Variants in CCAR1 observed in about 807,000 individuals in gnomAD.
CCAR1 encodes the protein cell division cycle and apoptosis regulator protein 1.
A neutral mutation model predicts 163.8 loss-of-function variants in CCAR1; 78 were observed. The ratio of observed to expected loss-of-function variants is 0.48; its 90% CI spans 0.40 to 0.57. The LOEUF (loss-of-function observed/expected upper bound fraction) is 0.57, where lower values mean the gene tolerates loss of function less well. Ranked by LOEUF, CCAR1 falls within the 20% of genes least tolerant of loss-of-function variation. The pLI is 0.00. For synonymous variants in CCAR1, 443 were observed against 460.7 expected, an observed-to-expected ratio of 0.96 and a Z score of 0.49; for missense variants, 1,019 against 1,365.2, an observed-to-expected ratio of 0.75 and a Z score of 4.00.
Position 68,727,997 on chromosome 10 carries a change from C to T in CCAR1, c.73+5420C>T, listed in dbSNP as rs189980443. On this transcript the variant is annotated intron_variant, in intron 2 of 24. Transcript: ENST00000265872. ...GGGGCTATAGGCTTGCTACCATACCCGGCTAATTTTTGTATATTTAGTAGA... is the reference window on the plus strand; with the variant it reads ...GGGGCTATAGGCTTGCTACCATACCTGGCTAATTTTTGTATATTTAGTAGA... Among the ~76,000 whole-genome samples, 559 of 152,158 alleles carry T rather than the reference C, an allele frequency of 3.7e-3. 7 individuals carry two copies. Among genetic ancestry groups the T allele is most frequent in the South Asian group, 0.034 (163 of 4,818 alleles).
intron 11 of CCAR1, 46 bp downstream of exon 11, chr10:68,754,123 T>C (rs756855843): frequency 6.8e-6 from 9 of 1,322,432 alleles, no homozygotes; most frequent in South Asian, 2.5e-5. Flanking sequence ...TTAGCAGTTA[T>C]TCATAATAAA....
intron 21 of CCAR1, 135 bp downstream of exon 21, chr10:68,786,827 A>G (rs2056800569): frequency 1.3e-5 from 9 of 681,692 alleles, no homozygotes; most frequent in Middle Eastern, 4.2e-4. Context: ...GCTCACACCT[A>G]TAATCCCAGC....
chr10:68,789,389 C>G (rs1215997357), intron 23 of CCAR1, among the ~76,000 whole-genome samples: 1 of 151,656 alleles, frequency 6.6e-6, no homozygotes, highest in Non-Finnish European at 1.5e-5. Flanking sequence ...GTCAGGAGTT[C>G]GAGACCAGCC....
Position 68,768,326 on chromosome 10 carries a change from C to G in CCAR1, c.2298+2247C>G, listed in dbSNP as rs1207208675. Among the ~76,000 whole-genome samples the G allele has an allele frequency of 3.3e-5, 5 of 151,546 alleles. No homozygotes were observed. The East Asian group carries it at 9.7e-4, about 29-fold the overall frequency. ...TATCTTTTTTTTTTTAAGCAGTTGC[C>G]TGGCTGGGTGCAGTGGCTCATGCCT... On this transcript the variant is annotated intron_variant, in intron 17 of 24. Coordinates refer to ENST00000265872, the MANE Select transcript of CCAR1 (RefSeq NM_018237.4).
chr10:68,744,820 T>C (rs781656791), intron 6 of CCAR1, among the ~76,000 whole-genome samples: 13 of 151,624 alleles, frequency 8.6e-5, no homozygotes, highest in Non-Finnish European at 1.8e-4. Flanking sequence ...CTAGGAGGTA[T>C]ATCTACTTAA....
At chr10:68,774,930 C>CT (rs1215700238) in intron 19 of CCAR1, 6 of 372,188 alleles carry the variant, frequency 1.6e-5, no homozygotes, top group Middle Eastern at 6.9e-4. Flanking sequence ...TATAAGAGTT[C>CT]TTTTTGTTTT....
In CCAR1 at chr10:68,761,200, C is replaced by CCTG; in HGVS notation, c.2106+8_2106+9insCTG. 6.4e-7 allele frequency: 1 copy of CCTG among 1,555,116 alleles called. No individual in the cohort carries two copies. The highest frequency in any genetic ancestry group is 1.2e-5 in the South Asian group (1 of 83,764). On this transcript the variant is annotated intron_variant, in intron 16 of 24. Transcript: ENST00000265872. ...TCTGAAGACGATAAAGAGGTATGTA[C>CCTG]TCAATCTATTATTATACTCTATGGT... is the stretch of plus-strand genomic sequence containing the variant.
chr10:68,752,759 T>C lies in CCAR1; in HGVS notation c.1119-1093T>C, dbSNP rs555949295. On this transcript the variant is annotated intron_variant, in intron 10 of 24. Coordinates refer to ENST00000265872, the MANE Select transcript of CCAR1 (RefSeq NM_018237.4). ...AGTGCACCCGTAGTCCTAGCTATAA[T>C]ACTTAGAAGCTGACATGGAAGGATT... Among the ~76,000 whole-genome samples, 6 of 152,230 alleles carry C rather than the reference T, an allele frequency of 3.9e-5. No individual in the cohort carries two copies. The South Asian group carries it at 8.3e-4, about 21-fold the overall frequency.
chr10:68,776,309 A>G (rs2056666848), intron 19 of CCAR1, among the ~76,000 whole-genome samples: 1 of 150,864 alleles, frequency 6.6e-6, no homozygotes, highest in Non-Finnish European at 1.5e-5. Context: ...CACATCTGTA[A>G]TCCCAGCACT....
intron 23 of CCAR1, among the ~76,000 whole-genome samples, chr10:68,789,408 A>T (rs2056829655): frequency 6.7e-6 from 1 of 150,356 alleles, no homozygotes; most frequent in African/African-American, 2.4e-5. Context: ...CCTGACCAAC[A>T]TGGTGAAACC....
rs535803630 is a variant in CCAR1 at position 68,788,104 on chromosome 10, AAAAT to A, written c.3002-36_3002-33del. On this transcript the variant is annotated intron_variant, in intron 22 of 24. Transcript: ENST00000265872. Reference sequence around the variant, plus strand: ...TAAATATACTAGTAATTAAAGAAGAAAAATAACTTACTAAAATATGGTATATTTT... The same window carrying A: ...TAAATATACTAGTAATTAAAGAAGAAAACTTACTAAAATATGGTATATTTT... 54 of 1,524,262 alleles carry A rather than the reference AAAAT, an allele frequency of 3.5e-5. 1 individual carries two copies. The South Asian group carries it at 6.4e-4, about 18-fold the overall frequency. The allele number at this position is 1,524,262 out of a possible 1,614,324, so 94.4% of individuals were successfully genotyped here. A position where few individuals can be genotyped will look rare whatever the true frequency, so the allele number is the denominator to read the frequency against.
chr10:68,727,603 AC>A (rs1275084784), intron 2 of CCAR1, among the ~76,000 whole-genome samples: 1 of 151,540 alleles, frequency 6.6e-6, no homozygotes, highest in Non-Finnish European at 1.5e-5. Context: ...CATTTTTCTC[AC>A]CCCTTGAAAT....
At chr10:68,771,754 G>A (rs1361973660) in intron 18 of CCAR1, among the ~76,000 whole-genome samples, 1 of 151,970 alleles carries the variant, frequency 6.6e-6, no homozygotes, top group Non-Finnish European at 1.5e-5. Context: ...CTGCACTCCA[G>A]CCTGGGTGAC....
chr10:68,745,605 A>G (rs1047768797), intron 6 of CCAR1, among the ~76,000 whole-genome samples: 2 of 151,876 alleles, frequency 1.3e-5, no homozygotes, highest in Non-Finnish European at 2.9e-5. Flanking sequence ...CTGGGATTAC[A>G]GGTGCCTACC....
At chr10:68,721,533 C>T (rs2055856462) in intron 1 of CCAR1, 1 of 446,590 alleles carries the variant, frequency 2.2e-6, no homozygotes, top group Non-Finnish European at 4.5e-6. Flanking sequence ...CCCTCAGCCT[C>T]GGCATGGCGA....
intron 17 of CCAR1, among the ~76,000 whole-genome samples, chr10:68,767,037 C>G (rs1052996854): frequency 1.3e-5 from 2 of 152,086 alleles, no homozygotes; most frequent in Admixed American, 1.3e-4. Context: ...AAGTCCAGTT[C>G]TGTTTTTTCC....
At chr10:68,747,888 C>CT (rs1246457340) in intron 8 of CCAR1, among the ~76,000 whole-genome samples, 22 of 152,146 alleles carry the variant, frequency 1.4e-4, no homozygotes, top group African/African-American at 4.8e-4. Flanking sequence ...CTTTTTCGCT[C>CT]TGTCGCCCAG....
intron 6 of CCAR1, among the ~76,000 whole-genome samples, chr10:68,746,739 G>A (rs967225597): frequency 2.6e-5 from 4 of 151,694 alleles, no homozygotes; most frequent in Admixed American, 6.6e-5. Context: ...CACCACGCTC[G>A]GCTAATTTTT....
rs912959170 is a variant in CCAR1 at position 68,792,057 on chromosome 10, G to T, written c.*791G>T. The T allele has an allele frequency of 6.7e-6, 1 of 150,054 alleles. No homozygotes were observed. 9.3% of individuals were successfully genotyped at this position (150,054 alleles called of 1,614,324 possible). A position where few individuals can be genotyped will look rare whatever the true frequency, so the allele number is the denominator to read the frequency against. On this transcript the variant is annotated 3_prime_UTR_variant, in exon 25 of 25. Transcript: ENST00000265872. ...CTACACTCCAGCCTGGGCGACAAGA[G>T]TGAAACTCCATCTCAAAAAGAAAAA...
Sources: gnomAD v4.1 joint callset for allele counts (sites outside exome capture counted in the v4.1 genomes callset) on GRCh38, gnomAD v4.1.1 for gene constraint, MANE v1.5 for transcripts, NCBI Gene and HGNC (gene_info 2026-07-23, HGNC 2026-07-21) for gene names.